The following PTPRZ1 variants were observed in gnomAD, a reference collection of about 807,000 sequenced individuals.
PTPRZ1 encodes the protein receptor-type tyrosine-protein phosphatase zeta.
PTPRZ1 carries 82 observed loss-of-function variants against 214.1 expected under a neutral mutation model. The ratio of observed to expected loss-of-function variants is 0.38; its 90% CI spans 0.32 to 0.46. The LOEUF is 0.46. Ranked by LOEUF, PTPRZ1 falls within the 20% of genes least tolerant of loss-of-function variation. PTPRZ1 has a pLI of 1.00. For missense variants in PTPRZ1, 2,603 were observed against 2,748.7 expected (o/e 0.95, Z 1.19); for synonymous variants, 945 against 987.9 (o/e 0.96, Z 0.81).
intron 1 of PTPRZ1, among the ~76,000 whole-genome samples, chr7:121,913,676 G>GT (rs1563014685): frequency 1.3e-5 from 2 of 152,006 alleles, no homozygotes; most frequent in Non-Finnish European, 2.9e-5. Context: ...TTATCTTGGG[G>GT]TTTTTTATGA....
intron 1 of PTPRZ1, among the ~76,000 whole-genome samples, chr7:121,888,925 G>A (rs1219031140): frequency 6.6e-6 from 1 of 151,992 alleles, no homozygotes; most frequent in Non-Finnish European, 1.5e-5. Flanking sequence ...ATGAAGAATT[G>A]GCAAATAGCT....
intron 3 of PTPRZ1, among the ~76,000 whole-genome samples, chr7:121,970,852 G>T (rs2116522959): frequency 6.6e-6 from 1 of 152,250 alleles, no homozygotes; most frequent in African/African-American, 2.4e-5. Context: ...ATTGCTTTTG[G>T]TGTTTTAGAC....
At chr7:121,906,678 G>C (rs373979235) in intron 1 of PTPRZ1, among the ~76,000 whole-genome samples, 1 of 152,136 alleles carries the variant, frequency 6.6e-6, no homozygotes, top group Non-Finnish European at 1.5e-5. Flanking sequence ...GTTATGTCTT[G>C]GATGGGGCTT....
At chr7:121,916,762 C>A (rs150274240) in intron 1 of PTPRZ1, among the ~76,000 whole-genome samples, 1 of 152,126 alleles carries the variant, frequency 6.6e-6, no homozygotes, top group Non-Finnish European at 1.5e-5. Flanking sequence ...CCAGTAAGAC[C>A]CAGTGCTGTC....
At chr7:121,971,191 T>C (rs1473982234) in intron 3 of PTPRZ1, among the ~76,000 whole-genome samples, 1 of 152,178 alleles carries the variant, frequency 6.6e-6, no homozygotes, top group Non-Finnish European at 1.5e-5. Flanking sequence ...TACCATACTG[T>C]TTTGGGAACC....
At chr7:121,998,745 G>T (rs4236613) in intron 10 of PTPRZ1, among the ~76,000 whole-genome samples, 1 of 151,784 alleles carries the variant, frequency 6.6e-6, no homozygotes, top group African/African-American at 2.4e-5. Context: ...TAGAATAGAC[G>T]TGCATATATG....
chr7:122,031,008 C>G (rs1799351979), intron 14 of PTPRZ1, among the ~76,000 whole-genome samples: 1 of 151,946 alleles, frequency 6.6e-6, no homozygotes, highest in African/African-American at 2.4e-5. Context: ...ATGTAAACAT[C>G]TATTTGACTG....
At chr7:121,942,966 T>G (rs1228183397) in intron 2 of PTPRZ1, among the ~76,000 whole-genome samples, 1 of 152,198 alleles carries the variant, frequency 6.6e-6, no homozygotes, top group Non-Finnish European at 1.5e-5. Context: ...TAGAATAGAT[T>G]ACAAAATGTG....
At chr7:121,956,541 G>A (rs1271104015) in intron 2 of PTPRZ1, among the ~76,000 whole-genome samples, 1 of 152,200 alleles carries the variant, frequency 6.6e-6, no homozygotes, top group Non-Finnish European at 1.5e-5. Context: ...AAATGAAAAT[G>A]GCAGAATTTA....
rs1433385445 is a variant in PTPRZ1, at chr7:122,042,750, T to C, written c.5937+7T>C. 6.2e-7 allele frequency: 1 copy of C among 1,607,344 alleles called. No individual in the cohort carries two copies. The stretch of plus-strand genomic sequence containing the variant: ...TTATTTGGTACAAACTGAGGTATGA[T>C]TTTTAAAAAGATGATTTTATTCATC... On this transcript the variant is annotated splice_region_variant and intron_variant, in intron 22 of 29. Coordinates refer to ENST00000393386, the MANE Select transcript of PTPRZ1 (RefSeq NM_002851.3).
intron 22 of PTPRZ1, among the ~76,000 whole-genome samples, chr7:122,042,992 T>G (rs929242820): frequency 3.3e-5 from 5 of 152,196 alleles, no homozygotes; most frequent in Non-Finnish European, 7.3e-5. Flanking sequence ...GGCAGCACAA[T>G]TCCAGTCTCA....
chr7:121,936,201 T>C (rs1333519107), intron 2 of PTPRZ1, among the ~76,000 whole-genome samples: 1 of 152,122 alleles, frequency 6.6e-6, no homozygotes, highest in Non-Finnish European at 1.5e-5. Context: ...TAAAAAATCA[T>C]TATCAAGGAG....
rs143388742 is a variant in PTPRZ1 at position 122,004,906 on chromosome 7, G to T, written c.1287+246G>T. 6.9e-3 allele frequency among the ~76,000 whole-genome samples: 1,043 copies of T among 151,622 alleles called. 8 individuals carry two copies. The highest frequency in any genetic ancestry group is 9.1e-3 in the Non-Finnish European group (619 of 67,790). On this transcript the variant is annotated intron_variant, in intron 11 of 29. Transcript: ENST00000393386. ...AACAAGAAATATAAATGGTGATGAA[G>T]AAAAAAACAATGAACTTTAAAAATA...
chr7:121,943,101 G>A (rs1242976234), intron 2 of PTPRZ1, among the ~76,000 whole-genome samples: 1 of 152,086 alleles, frequency 6.6e-6, no homozygotes. Flanking sequence ...ATCTATGCAT[G>A]CCGGCTCATA....
chr7:121,898,988 A>G (rs147364542), intron 1 of PTPRZ1, among the ~76,000 whole-genome samples: 4 of 152,328 alleles, frequency 2.6e-5, no homozygotes, highest in Non-Finnish European at 5.9e-5. Flanking sequence ...TTATTCATAT[A>G]TAAAGCCTGA....
Position 122,042,729 on chromosome 7 carries a change from T to G in PTPRZ1, c.5923T>G (p.Leu1975Val), listed in dbSNP as rs200170990. The change falls in exon 22 of 30, where the codon TTG becomes GTG. Residue 1975 changes from leucine (L) to valine (V), a missense_variant. By Grantham distance (32) the Leu-to-Val change is conservative. Transcript: ENST00000393386. ...ACACATCCGTTCACAAAGAAATTAT[T>G]TGGTACAAACTGAGGTATGATTTTT... ...LKHIRSQRNY[L>V]VQTEEQYVFI... The G allele has an allele frequency of 6.2e-7, 1 of 1,611,996 alleles. No homozygotes were observed. Among genetic ancestry groups the G allele is most frequent in the Non-Finnish European group, 8.5e-7 (1 of 1,178,378 alleles).
intron 1 of PTPRZ1, among the ~76,000 whole-genome samples, chr7:121,896,000 T>C (rs1040342406): frequency 2.6e-5 from 4 of 152,174 alleles, no homozygotes; most frequent in Non-Finnish European, 5.9e-5. Context: ...ATTTTCCCAA[T>C]CAAATATCCA....
intron 1 of PTPRZ1, among the ~76,000 whole-genome samples, chr7:121,927,081 A>G (rs1475930640): frequency 6.6e-6 from 1 of 152,222 alleles, no homozygotes; most frequent in South Asian, 2.1e-4. Flanking sequence ...AAATTCTGAA[A>G]TGTCCTTGAG....
intron 22 of PTPRZ1, among the ~76,000 whole-genome samples, chr7:122,043,156 T>C (rs1465803096): frequency 6.6e-6 from 1 of 152,216 alleles, no homozygotes; most frequent in Non-Finnish European, 1.5e-5. Context: ...CACTCTGAGT[T>C]ATCAGGCGGT....
Sources: gnomAD v4.1 joint callset for allele counts (sites outside exome capture counted in the v4.1 genomes callset) on GRCh38, gnomAD v4.1.1 for gene constraint, MANE v1.5 for transcripts, NCBI Gene and HGNC (gene_info 2026-07-23, HGNC 2026-07-21) for gene names.